Variants in RASSF3 observed in about 807,000 individuals in gnomAD.
The protein encoded by RASSF3 is Ras association domain family member 3.
A neutral mutation model predicts 19.9 loss-of-function variants in RASSF3; 19 were observed. The ratio of observed to expected loss-of-function variants is 0.96; its 90% confidence interval spans 0.67 to 1.40. RASSF3 has a LOEUF of 1.40. Ranked by LOEUF, RASSF3 falls within the 40% of genes most tolerant of loss-of-function variation. The pLI is 0.00. For synonymous variants in RASSF3, 110 were observed against 104.2 expected (o/e 1.06, Z -0.34); for missense variants, 306 against 289.8 (o/e 1.06, Z -0.41).
At chr12:64,540,362 A>T (rs1222686848) in intron 1 of RASSF3, among the ~76,000 whole-genome samples, 3 of 152,244 alleles carry the variant, frequency 2.0e-5, no homozygotes, top group Non-Finnish European at 4.4e-5. Flanking sequence ...TTTTAAAAAT[A>T]CTTACTTTGG....
chr12:64,632,972 A>T, intron 1 of RASSF3, among the ~76,000 whole-genome samples: 1 of 152,260 alleles, frequency 6.6e-6, no homozygotes, highest in Admixed American at 6.5e-5. Context: ...GTGGTGCTCC[A>T]CAAATAGCTC....
At chr12:64,611,808 T>C (rs1870375564) in intron 1 of RASSF3, among the ~76,000 whole-genome samples, 1 of 152,236 alleles carries the variant, frequency 6.6e-6, no homozygotes. Flanking sequence ...TCTGTCAGGG[T>C]GGTCTTGCCA....
intron 2 of RASSF3, among the ~76,000 whole-genome samples, chr12:64,577,690 G>A (rs1468355715): frequency 6.6e-6 from 1 of 151,950 alleles, no homozygotes; most frequent in Admixed American, 6.6e-5. Context: ...CAAGATCACG[G>A]CACTGCACTT....
chr12:64,607,765 A>AT (rs1435715634), upstream of RASSF3, among the ~76,000 whole-genome samples: 3 of 150,642 alleles, frequency 2.0e-5, no homozygotes, highest in Non-Finnish European at 3.0e-5. Flanking sequence ...TTATTTATTT[A>AT]TTTTTTTAAG....
At chr12:64,556,982 G>A (rs559889545) in intron 2 of RASSF3, among the ~76,000 whole-genome samples, 21 of 151,804 alleles carry the variant, frequency 1.4e-4, no homozygotes, top group Non-Finnish European at 2.4e-4. Flanking sequence ...GATTACAGGC[G>A]TGCGCCACCA....
At chr12:64,624,097 T>G in intron 1 of RASSF3, among the ~76,000 whole-genome samples, 1 of 151,954 alleles carries the variant, frequency 6.6e-6, no homozygotes, top group Non-Finnish European at 1.5e-5. Flanking sequence ...CAAATTAGTA[T>G]TTGTGAAATT....
chr12:64,514,046 C>G (rs1222965834), intron 1 of RASSF3, among the ~76,000 whole-genome samples: 2 of 148,508 alleles, frequency 1.3e-5, no homozygotes, highest in Non-Finnish European at 3.0e-5. Flanking sequence ...CACCCAGCTA[C>G]TTTTTGCTTT....
intron 2 of RASSF3, among the ~76,000 whole-genome samples, chr12:64,577,207 G>C (rs1426706959): frequency 6.6e-6 from 1 of 152,164 alleles, no homozygotes; most frequent in Admixed American, 6.6e-5. Flanking sequence ...GCCCCATAAG[G>C]GTTGTGATGG....
chr12:64,693,144 CT>C (rs71434057), intron 4 of RASSF3, among the ~76,000 whole-genome samples: 2,270 of 128,734 alleles, frequency 0.018, 39 homozygotes, highest in African/African-American at 0.051. Context: ...CCATGTTGCT[CT>C]TTTTTTTTTT....
At chr12:64,537,363 G>A (rs1868850587) in intron 1 of RASSF3, among the ~76,000 whole-genome samples, 1 of 152,166 alleles carries the variant, frequency 6.6e-6, no homozygotes, top group Admixed American at 6.5e-5. Flanking sequence ...AGTAAGTTGA[G>A]GTTCTGAGTA....
At chr12:64,516,541 C>T (rs1478164754) in intron 1 of RASSF3, among the ~76,000 whole-genome samples, 1 of 149,194 alleles carries the variant, frequency 6.7e-6, no homozygotes, top group Non-Finnish European at 1.5e-5. Context: ...ATGGCGTGAA[C>T]CCGGGAGGCG....
At chr12:64,620,867 T>C (rs1257102463) in intron 1 of RASSF3, among the ~76,000 whole-genome samples, 2 of 152,150 alleles carry the variant, frequency 1.3e-5, no homozygotes, top group Admixed American at 1.3e-4. Flanking sequence ...GTCATTAAAA[T>C]AGAGAAAAAA....
At chr12:64,516,998 C>CAAAAAAAAAAAA (rs371430838) in intron 1 of RASSF3, among the ~76,000 whole-genome samples, 2 of 51,968 alleles carry the variant, frequency 3.8e-5, no homozygotes, top group African/African-American at 1.4e-4. Flanking sequence ...AAATCTGTCT[C>CAAAAAAAAAAAA]AAAAAAAAAA....
At chr12:64,530,997 G>A (rs953642428), upstream of RASSF3, among the ~76,000 whole-genome samples, 6 of 151,966 alleles carry the variant, frequency 3.9e-5, no homozygotes, top group South Asian at 6.2e-4. Flanking sequence ...TCAGTCTCTC[G>A]TCTTTTCCTT....
intron 1 of RASSF3, among the ~76,000 whole-genome samples, chr12:64,673,464 C>G (rs143414007): frequency 1.3e-5 from 2 of 152,074 alleles, no homozygotes; most frequent in Non-Finnish European, 1.5e-5. Flanking sequence ...TGAAAGGGAC[C>G]GTAGTCCAGT....
At chr12:64,571,010 G>C (rs56271113) in intron 2 of RASSF3, among the ~76,000 whole-genome samples, 1 of 152,108 alleles carries the variant, frequency 6.6e-6, no homozygotes, top group Non-Finnish European at 1.5e-5. Context: ...CTGAGGTCAG[G>C]AGTTCAAGAC....
intron 2 of RASSF3, among the ~76,000 whole-genome samples, chr12:64,592,792 A>T (rs1380350499): frequency 6.6e-6 from 1 of 152,080 alleles, no homozygotes; most frequent in Non-Finnish European, 1.5e-5. Context: ...GCATGCCAAG[A>T]TGCCTGGCTA....
At chr12:64,589,219 G>A (rs1869871771) in intron 2 of RASSF3, among the ~76,000 whole-genome samples, 1 of 152,040 alleles carries the variant, frequency 6.6e-6, no homozygotes, top group Non-Finnish European at 1.5e-5. Flanking sequence ...GGAGGCTGAG[G>A]CGGGTAGATT....
chr12:64,616,106 GAT>G (rs1357509715), intron 1 of RASSF3, among the ~76,000 whole-genome samples: 4 of 152,136 alleles, frequency 2.6e-5, no homozygotes, highest in Non-Finnish European at 5.9e-5. Flanking sequence ...GTTCTTACAC[GAT>G]ATTAATCCAT....
Sources: allele counts gnomAD v4.1 joint callset (sites outside exome capture counted in the v4.1 genomes callset), GRCh38; gene constraint gnomAD v4.1.1; transcripts MANE v1.5; gene names NCBI Gene and HGNC (gene_info 2026-07-23, HGNC 2026-07-21).